Variants in NT5DC1 observed in about 807,000 individuals in gnomAD.
NT5DC1 encodes 5'-nucleotidase domain containing 1.
In NT5DC1, 42 loss-of-function variants were observed where a neutral mutation model predicts 59.4. The ratio of observed to expected loss-of-function variants is 0.71; its 90% confidence interval spans 0.55 to 0.92. NT5DC1 has a LOEUF of 0.92. Ranked by LOEUF, NT5DC1 falls within the 40% of genes least tolerant of loss-of-function variation. The pLI is 0.00. For missense variants in NT5DC1, 501 were observed against 537.1 expected, an observed-to-expected ratio of 0.93 and a Z score of 0.66; for synonymous variants, 172 against 188.1, an observed-to-expected ratio of 0.91 and a Z score of 0.70.
chr6:116,150,814 T>C (rs976689219), intron 6 of NT5DC1, among the ~76,000 whole-genome samples: 3 of 152,244 alleles, frequency 2.0e-5, no homozygotes, highest in Admixed American at 6.5e-5. Flanking sequence ...TGGAGTCTTA[T>C]ATATCTAGTG....
chr6:116,201,169 A>C (rs984316880), intron 6 of NT5DC1, among the ~76,000 whole-genome samples: 1 of 152,044 alleles, frequency 6.6e-6, no homozygotes, highest in African/African-American at 2.4e-5. Context: ...GAGTCACCAC[A>C]TGTAAAATCT....
intron 6 of NT5DC1, among the ~76,000 whole-genome samples, chr6:116,194,874 C>A (rs536329497): frequency 6.6e-6 from 1 of 152,050 alleles, no homozygotes; most frequent in Non-Finnish European, 1.5e-5. Flanking sequence ...TTATGGTTTA[C>A]ATTATTAGTT....
At chr6:116,116,934 C>G (rs967685241) in intron 5 of NT5DC1, among the ~76,000 whole-genome samples, 8 of 151,920 alleles carry the variant, frequency 5.3e-5, no homozygotes, top group Non-Finnish European at 7.4e-5. Context: ...AGCAAAGGAT[C>G]ATAGGGTTGT....
intron 6 of NT5DC1, among the ~76,000 whole-genome samples, chr6:116,145,247 T>G (rs1437470860): frequency 1.3e-5 from 2 of 152,062 alleles, no homozygotes; most frequent in East Asian, 1.9e-4. Flanking sequence ...CAAAAGAATT[T>G]GTTTAGAAAG....
At chr6:116,156,540 G>A (rs1780199703) in intron 6 of NT5DC1, among the ~76,000 whole-genome samples, 1 of 152,176 alleles carries the variant, frequency 6.6e-6, no homozygotes, top group African/African-American at 2.4e-5. Context: ...TAAGGGAAGA[G>A]GAGACCGATT....
chr6:116,115,709 A>C lies in NT5DC1; in HGVS notation c.383A>C (p.Asp128Ala). 1 of 1,598,390 alleles carries C rather than the reference A, an allele frequency of 6.3e-7. No homozygotes were observed. The stretch of plus-strand genomic sequence containing the variant: ...TTTTTAGGAAAGTATTACTTTTACG[A>C]CAACTACTTTGACCTGCCAGGAGCT... ...ACRSGKYYFY[D>A]NYFDLPGALL... Residue 128 changes from aspartate (D) to alanine (A), a missense_variant, in exon 5 of 12, where the codon GAC becomes GCC. Asp to Ala is a moderately radical substitution (Grantham distance 126). Coordinates refer to ENST00000319550, the MANE Select transcript of NT5DC1 (RefSeq NM_152729.3).
rs188771283 is a variant in NT5DC1 at position 116,163,714 on chromosome 6, G to A, written c.529+45769G>A. Among the ~76,000 whole-genome samples, 281 of 152,092 alleles carry A rather than the reference G, an allele frequency of 1.8e-3. 1 individual carries two copies. The highest frequency in any genetic ancestry group is 5.9e-3 in the African/African-American group (243 of 41,480). The stretch of plus-strand genomic sequence containing the variant: ...TTTGTTAGGTACATCATTTGGTTGC[G>A]AATTTGAGATCTATCTTTTTGATTT... On this transcript the variant is annotated intron_variant, in intron 6 of 11. Coordinates refer to ENST00000319550, the MANE Select transcript of NT5DC1 (RefSeq NM_152729.3).
At chr6:116,125,131 A>G (rs1345918688) in intron 6 of NT5DC1, among the ~76,000 whole-genome samples, 1 of 152,206 alleles carries the variant, frequency 6.6e-6, no homozygotes, top group African/African-American at 2.4e-5. Context: ...ATATCTTTCA[A>G]CTATATTTTC....
At chr6:116,104,968 T>G (rs1394708840) in intron 1 of NT5DC1, among the ~76,000 whole-genome samples, 1 of 152,164 alleles carries the variant, frequency 6.6e-6, no homozygotes, top group Non-Finnish European at 1.5e-5. Context: ...TTTTAAGAAG[T>G]GTCACCTATG....
intron 6 of NT5DC1, among the ~76,000 whole-genome samples, chr6:116,192,667 C>A (rs1781145393): frequency 6.6e-6 from 1 of 151,996 alleles, no homozygotes; most frequent in Non-Finnish European, 1.5e-5. Context: ...AACTTTGTAA[C>A]TGAATTTTGA....
intron 6 of NT5DC1, among the ~76,000 whole-genome samples, chr6:116,196,586 A>G (rs983570746): frequency 6.6e-6 from 1 of 152,064 alleles, no homozygotes; most frequent in Admixed American, 6.6e-5. Context: ...ATCAAATTAT[A>G]TATAGTATAT....
At chr6:116,240,828 A>T (rs1771697819) in intron 11 of NT5DC1, among the ~76,000 whole-genome samples, 1 of 152,222 alleles carries the variant, frequency 6.6e-6, no homozygotes, top group African/African-American at 2.4e-5. Context: ...TTATATACCC[A>T]GTTAAACATT....
At chr6:116,185,790 G>A (rs1404070805) in intron 6 of NT5DC1, among the ~76,000 whole-genome samples, 1 of 152,040 alleles carries the variant, frequency 6.6e-6, no homozygotes, top group African/African-American at 2.4e-5. Flanking sequence ...GAAGACAGCA[G>A]ATACTTGGTT....
At chr6:116,175,700 C>T (rs1780719396) in intron 6 of NT5DC1, among the ~76,000 whole-genome samples, 1 of 152,180 alleles carries the variant, frequency 6.6e-6, no homozygotes, top group African/African-American at 2.4e-5. Context: ...ATGTCAGAAG[C>T]TGATGAACAC....
At chr6:116,155,192 G>T (rs1010494772) in intron 6 of NT5DC1, among the ~76,000 whole-genome samples, 1 of 152,152 alleles carries the variant, frequency 6.6e-6, no homozygotes, top group African/African-American at 2.4e-5. Flanking sequence ...CAAGTAGTTT[G>T]CATGGGTTTA....
At position 116,171,164 on chromosome 6, in the gene NT5DC1, TG is replaced by T. The variant is rs1214716209; in HGVS notation, c.530-49889del. ...AGTGATTGTTGAATAAATGAATATATGTAAGGTTAAATGACCCACTTATATT... is the reference window on the plus strand; with the variant it reads ...AGTGATTGTTGAATAAATGAATATATTAAGGTTAAATGACCCACTTATATT... On this transcript the variant is annotated intron_variant, in intron 6 of 11. Coordinates refer to ENST00000319550, the MANE Select transcript of NT5DC1 (RefSeq NM_152729.3). Among the ~76,000 whole-genome samples, 10 of 152,328 alleles carry T rather than the reference TG, an allele frequency of 6.6e-5. No individual in the cohort carries two copies. In the South Asian group the frequency reaches 2.1e-3, roughly 32 times the overall value.
intron 6 of NT5DC1, among the ~76,000 whole-genome samples, chr6:116,154,500 C>T (rs1780131396): frequency 6.6e-6 from 1 of 151,996 alleles, no homozygotes; most frequent in Non-Finnish European, 1.5e-5. Flanking sequence ...TTTATGTTAA[C>T]CTTAATTTAA....
At chr6:116,238,137 C>A (rs368103876) in intron 9 of NT5DC1, 50 bp from the exon 10 acceptor site, 271 of 1,398,072 alleles carry the variant, frequency 1.9e-4, no homozygotes, top group Non-Finnish European at 2.5e-4. Context: ...GAAATAAATG[C>A]CACTTTCACA....
intron 6 of NT5DC1, among the ~76,000 whole-genome samples, chr6:116,178,086 TGTGC>T (rs781684069): frequency 0.032 from 2,468 of 77,488 alleles, 18 homozygotes; most frequent in Admixed American, 0.042. Context: ...TGTGTGTGTG[TGTGC>T]GCGCGCGCGC....
Sources: gnomAD v4.1 joint callset for allele counts (sites outside exome capture counted in the v4.1 genomes callset) on GRCh38, gnomAD v4.1.1 for gene constraint, MANE v1.5 for transcripts, NCBI Gene and HGNC (gene_info 2026-07-23, HGNC 2026-07-21) for gene names.